DPYD: variants seen among roughly 807,000 people sequenced by gnomAD.
The protein encoded by DPYD is dihydropyrimidine dehydrogenase [NADP(+)].
DPYD carries 109 observed loss-of-function variants against 116.2 expected under a neutral mutation model. The ratio of observed to expected loss-of-function variants is 0.94; its 90% CI spans 0.80 to 1.10. The LOEUF (loss-of-function observed/expected upper bound fraction) is 1.10, where lower values mean the gene tolerates loss of function less well. DPYD is among the 50% of genes least tolerant of loss of function. DPYD has a pLI of 0.00. For missense variants in DPYD, 1,302 were observed against 1,254.5 expected (o/e 1.04, Z -0.57); for synonymous variants, 440 against 432.0 (o/e 1.02, Z -0.23).
chr1:97,095,161 G>A (rs1650155473), intron 21 of DPYD, among the ~76,000 whole-genome samples: 1 of 152,000 alleles, frequency 6.6e-6, no homozygotes. Context: ...TGTTTATTAT[G>A]GCACAAATAA....
At chr1:97,315,807 C>G (rs979584685) in intron 16 of DPYD, among the ~76,000 whole-genome samples, 1 of 151,888 alleles carries the variant, frequency 6.6e-6, no homozygotes, top group African/African-American at 2.4e-5. Context: ...TGGTGACCTA[C>G]CCAGCAATAG....
rs1557668504 is a variant in DPYD at position 97,376,892 on chromosome 1, T to TATATATATATATATATATATATAC, written c.1975-3249_1975-3248insGTATATATATATATATATATATAT. Among the ~76,000 whole-genome samples the TATATATATATATATATATATATAC allele has an allele frequency of 1.3e-3, 193 of 148,010 alleles. 2 individuals are homozygous for TATATATATATATATATATATATAC. The highest frequency in any genetic ancestry group is 7.5e-3 in the Admixed American group (108 of 14,384). On this transcript the variant is annotated intron_variant, in intron 15 of 22. Coordinates refer to ENST00000370192, the MANE Select transcript of DPYD (RefSeq NM_000110.4). ...GTGTGTGTGTGTGTGTGTGTGTATA[T>TATATATATATATATATATATATAC]ATATATATATGGTGTGGACTCTGAG...
chr1:97,566,098 A>G (rs1443827947), intron 11 of DPYD, among the ~76,000 whole-genome samples: 1 of 152,114 alleles, frequency 6.6e-6, no homozygotes, highest in Non-Finnish European at 1.5e-5. Context: ...CACATCACTC[A>G]GACTTCAATT....
At chr1:97,646,094 T>C (rs1293560767) in intron 8 of DPYD, among the ~76,000 whole-genome samples, 1 of 152,160 alleles carries the variant, frequency 6.6e-6, no homozygotes, top group African/African-American at 2.4e-5. Context: ...AGGATATTTC[T>C]GTCTAAAGCA....
intron 18 of DPYD, among the ~76,000 whole-genome samples, chr1:97,296,350 A>G (rs2101005225): frequency 6.6e-6 from 1 of 152,278 alleles, no homozygotes; most frequent in South Asian, 2.1e-4. Context: ...GTGTCCAAAT[A>G]TTTAGGTAAA....
intron 3 of DPYD, among the ~76,000 whole-genome samples, chr1:97,759,261 G>C (rs1889228): frequency 0.97 from 147,923 of 152,284 alleles, 71,994 homozygotes; most frequent in East Asian, 1. Context: ...AAGAGCCCAA[G>C]GCATTTGTTG....
chr1:97,659,124 G>A (rs115566878), intron 8 of DPYD, among the ~76,000 whole-genome samples: 104 of 152,106 alleles, frequency 6.8e-4, no homozygotes, highest in Non-Finnish European at 1.3e-3. Flanking sequence ...AACTCTCTGG[G>A]AATCTCTCTA....
At chr1:97,630,294 A>G (rs192815423) in intron 8 of DPYD, among the ~76,000 whole-genome samples, 1 of 151,840 alleles carries the variant, frequency 6.6e-6, no homozygotes, top group East Asian at 1.9e-4. Context: ...TTCATTTCCC[A>G]TTTTCCTAAC....
intron 20 of DPYD, among the ~76,000 whole-genome samples, chr1:97,191,334 G>A (rs776319399): frequency 1.8e-4 from 27 of 152,080 alleles, no homozygotes; most frequent in Non-Finnish European, 3.8e-4. Context: ...TTTTAGTCAT[G>A]TCAGCCTGCA....
chr1:97,612,967 A>T (rs909109395), intron 8 of DPYD, among the ~76,000 whole-genome samples: 1 of 152,038 alleles, frequency 6.6e-6, no homozygotes, highest in Non-Finnish European at 1.5e-5. Context: ...ATTATTATAG[A>T]GTTTTGAATA....
chr1:97,567,338 C>A (rs1017072243), intron 11 of DPYD, among the ~76,000 whole-genome samples: 4 of 151,072 alleles, frequency 2.6e-5, no homozygotes, highest in African/African-American at 9.7e-5. Context: ...TTTTTTCCTG[C>A]AAACACTCCC....
At chr1:97,694,255 AG>A (rs1661178193) in intron 6 of DPYD, among the ~76,000 whole-genome samples, 1 of 152,242 alleles carries the variant, frequency 6.6e-6, no homozygotes, top group South Asian at 2.1e-4. Flanking sequence ...GTTACAGTCA[AG>A]TAGGTAGGGG....
At chr1:97,636,151 A>C (rs187211218) in intron 8 of DPYD, among the ~76,000 whole-genome samples, 17 of 152,192 alleles carry the variant, frequency 1.1e-4, no homozygotes, top group African/African-American at 4.1e-4. Flanking sequence ...TTAAAAAAAA[A>C]TCACTAAGCC....
chr1:97,449,987 G>A (rs2101791052), intron 14 of DPYD, 72 bp downstream of exon 14: 1 of 1,561,562 alleles, frequency 6.4e-7, no homozygotes, highest in South Asian at 1.1e-5. Flanking sequence ...ATAAGCCTAT[G>A]AATTGGATGT....
At chr1:97,563,071 T>C (rs1192948173) in intron 11 of DPYD, among the ~76,000 whole-genome samples, 4 of 152,154 alleles carry the variant, frequency 2.6e-5, no homozygotes, top group African/African-American at 9.7e-5. Flanking sequence ...CCTATTTATA[T>C]TGTGCTTTGA....
At chr1:97,539,307 T>A (rs988201534) in intron 12 of DPYD, among the ~76,000 whole-genome samples, 1 of 152,160 alleles carries the variant, frequency 6.6e-6, no homozygotes. Context: ...ACTTTGCATT[T>A]TCCCCTAAAT....
intron 18 of DPYD, among the ~76,000 whole-genome samples, chr1:97,280,945 C>T (rs549807879): frequency 5.3e-5 from 8 of 152,052 alleles, no homozygotes; most frequent in East Asian, 1.9e-4. Context: ...GTAATTACCC[C>T]GATTTGATCA....
chr1:97,547,392 T>G (rs539271975), intron 12 of DPYD, among the ~76,000 whole-genome samples: 1 of 152,214 alleles, frequency 6.6e-6, no homozygotes, highest in Admixed American at 6.5e-5. Flanking sequence ...CAATAAACAC[T>G]TGGTAAAGCA....
intron 20 of DPYD, among the ~76,000 whole-genome samples, chr1:97,111,585 C>T (rs1046133581): frequency 2.0e-5 from 3 of 151,956 alleles, no homozygotes; most frequent in Non-Finnish European, 4.4e-5. Context: ...GAGGCACTCT[C>T]GGACCACCCA....
Sources: gnomAD v4.1 joint callset for allele counts (sites outside exome capture counted in the v4.1 genomes callset) on GRCh38, gnomAD v4.1.1 for gene constraint, MANE v1.5 for transcripts, NCBI Gene and HGNC (gene_info 2026-07-23, HGNC 2026-07-21) for gene names.